Variants in HTR1F observed in about 807,000 individuals in gnomAD.
The protein encoded by HTR1F is 5-hydroxytryptamine (serotonin) receptor 1F, G protein-coupled.
In HTR1F, 17 loss-of-function variants were observed where a neutral mutation model predicts 24.0. That is an observed-to-expected ratio of 0.71 (90% CI 0.48 to 1.06). HTR1F has a LOEUF of 1.06. Ranked by LOEUF, HTR1F falls within the 50% of genes least tolerant of loss-of-function variation. HTR1F has a pLI of 0.00. For missense variants in HTR1F, 391 were observed against 427.8 expected (o/e 0.91, Z 0.76); for synonymous variants, 186 against 156.8 (o/e 1.19, Z -1.39).
chr3:87,838,645 A>G (rs1308066235), intron 2 of HTR1F, among the ~76,000 whole-genome samples: 1 of 152,086 alleles, frequency 6.6e-6, no homozygotes, highest in African/African-American at 2.4e-5. Context: ...TTGTTGCAAT[A>G]TCCACTCAAT....
At chr3:87,929,447 A>C (rs368652873) in intron 2 of HTR1F, among the ~76,000 whole-genome samples, 100 of 152,350 alleles carry the variant, frequency 6.6e-4, no homozygotes, top group Non-Finnish European at 1.2e-3. Context: ...ACCTTGAACA[A>C]TTCACTTAAC....
At chr3:87,824,030 G>C (rs1393624812) in intron 2 of HTR1F, among the ~76,000 whole-genome samples, 1 of 147,120 alleles carries the variant, frequency 6.8e-6, no homozygotes, top group Non-Finnish European at 1.5e-5. Context: ...CTGGCGACAG[G>C]GTGAGACTCC....
At chr3:87,916,234 C>T (rs1034321026) in intron 2 of HTR1F, among the ~76,000 whole-genome samples, 3 of 142,366 alleles carry the variant, frequency 2.1e-5, no homozygotes, top group Admixed American at 7.3e-5. Context: ...CCTGGAAACA[C>T]ATCAAAAAAG....
intron 2 of HTR1F, among the ~76,000 whole-genome samples, chr3:87,908,340 C>T (rs1286563879): frequency 6.6e-6 from 1 of 151,800 alleles, no homozygotes; most frequent in Non-Finnish European, 1.5e-5. Context: ...AACCATATTG[C>T]TAAGTTATTA....
At chr3:87,925,318 G>A (rs926726335) in intron 2 of HTR1F, among the ~76,000 whole-genome samples, 31 of 152,146 alleles carry the variant, frequency 2.0e-4, no homozygotes, top group African/African-American at 7.5e-4. Flanking sequence ...TCTGGTTGTG[G>A]AGGCTGTTGT....
chr3:87,854,874 A>T (rs928354659), intron 2 of HTR1F, among the ~76,000 whole-genome samples: 7 of 151,954 alleles, frequency 4.6e-5, no homozygotes, highest in African/African-American at 1.7e-4. Flanking sequence ...TATGTTTGTC[A>T]TTCTAGAAAT....
At chr3:87,837,830 T>C (rs1259860637) in intron 2 of HTR1F, among the ~76,000 whole-genome samples, 1 of 152,070 alleles carries the variant, frequency 6.6e-6, no homozygotes, top group Non-Finnish European at 1.5e-5. Flanking sequence ...CAGCTCCTCC[T>C]TGACTTTAGA....
intron 2 of HTR1F, among the ~76,000 whole-genome samples, chr3:87,903,260 C>A (rs1353717731): frequency 4.0e-5 from 6 of 148,620 alleles, no homozygotes; most frequent in South Asian, 2.1e-4. Flanking sequence ...GCAACAAAAG[C>A]CAAAATTGAC....
intron 2 of HTR1F, among the ~76,000 whole-genome samples, chr3:87,945,750 C>T (rs1704683579): frequency 6.6e-6 from 1 of 152,076 alleles, no homozygotes; most frequent in Admixed American, 6.5e-5. Flanking sequence ...CTGAAGGGTG[C>T]CCGATATTTT....
intron 2 of HTR1F, among the ~76,000 whole-genome samples, chr3:87,905,019 T>C (rs575207833): frequency 3.3e-5 from 5 of 152,114 alleles, no homozygotes; most frequent in Admixed American, 3.3e-4. Context: ...ATGAAAGTAT[T>C]TGTCCAGGAC....
At chr3:87,965,374 T>C (rs1480902776) in intron 2 of HTR1F, among the ~76,000 whole-genome samples, 2 of 152,216 alleles carry the variant, frequency 1.3e-5, no homozygotes, top group Non-Finnish European at 2.9e-5. Flanking sequence ...ACATCTCCTA[T>C]CATTTTTTGC....
chr3:87,916,922 C>A (rs1337913677), intron 2 of HTR1F, among the ~76,000 whole-genome samples: 2 of 152,078 alleles, frequency 1.3e-5, no homozygotes, highest in Non-Finnish European at 2.9e-5. Context: ...TTCTATTCAA[C>A]AGCACATGGA....
intron 2 of HTR1F, among the ~76,000 whole-genome samples, chr3:87,879,101 C>T (rs1292387349): frequency 3.9e-5 from 6 of 152,080 alleles, no homozygotes; most frequent in African/African-American, 1.4e-4. Flanking sequence ...TTCTTCTTGG[C>T]TACCTGAAGA....
At chr3:87,871,302 G>T (rs1259485593) in intron 2 of HTR1F, among the ~76,000 whole-genome samples, 1 of 151,676 alleles carries the variant, frequency 6.6e-6, no homozygotes. Context: ...CAGCAGACAT[G>T]GTCAAGCAAA....
chr3:87,928,520 A>G (rs918347940), intron 2 of HTR1F, among the ~76,000 whole-genome samples: 2 of 152,178 alleles, frequency 1.3e-5, no homozygotes, highest in Non-Finnish European at 2.9e-5. Flanking sequence ...GTCCCTAAAA[A>G]TGAATATGTT....
At chr3:87,888,062 A>G (rs1191905179) in intron 2 of HTR1F, among the ~76,000 whole-genome samples, 1 of 152,226 alleles carries the variant, frequency 6.6e-6, no homozygotes, top group Non-Finnish European at 1.5e-5. Context: ...AAGACTTGGA[A>G]CCAACCCAGA....
intron 2 of HTR1F, among the ~76,000 whole-genome samples, chr3:87,939,250 T>C (rs896289894): frequency 1.3e-5 from 2 of 152,238 alleles, no homozygotes; most frequent in African/African-American, 4.8e-5. Flanking sequence ...ATAAGCTTTT[T>C]GATGTGCTAC....
chr3:87,861,064 T>C (rs1016020949), intron 2 of HTR1F, among the ~76,000 whole-genome samples: 2 of 152,084 alleles, frequency 1.3e-5, no homozygotes, highest in Non-Finnish European at 2.9e-5. Context: ...AGCTGAGGCA[T>C]GAGAATTGCT....
At chr3:87,951,666 G>C (rs953262179) in intron 2 of HTR1F, among the ~76,000 whole-genome samples, 2 of 151,986 alleles carry the variant, frequency 1.3e-5, no homozygotes, top group African/African-American at 4.8e-5. Context: ...TCATCATCAA[G>C]AGTCCATAGT....
Sources: allele counts gnomAD v4.1 joint callset (sites outside exome capture counted in the v4.1 genomes callset), GRCh38; gene constraint gnomAD v4.1.1; transcripts MANE v1.5; gene names NCBI Gene and HGNC (gene_info 2026-07-23, HGNC 2026-07-21).